The following BCAS3 variants were observed in gnomAD, a reference collection of about 807,000 sequenced individuals.
BCAS3 encodes BCAS3 microtubule associated cell migration factor.
BCAS3 carries 53 observed loss-of-function variants against 116.1 expected under a neutral mutation model. The observed-to-expected ratio is 0.46, with a 90% CI of 0.37 to 0.57. The LOEUF (loss-of-function observed/expected upper bound fraction) is 0.57, where lower values mean the gene tolerates loss of function less well. Ranked by LOEUF, BCAS3 falls within the 20% of genes least tolerant of loss-of-function variation. The pLI, the probability that BCAS3 is intolerant of heterozygous loss-of-function variation, is 0.00. For synonymous variants in BCAS3, 391 were observed against 408.2 expected (o/e 0.96, Z 0.51); for missense variants, 917 against 1,165.4 (o/e 0.79, Z 3.10).
At chr17:60,906,501 A>T (rs1391307622) in intron 11 of BCAS3, among the ~76,000 whole-genome samples, 1 of 152,138 alleles carries the variant, frequency 6.6e-6, no homozygotes, top group Non-Finnish European at 1.5e-5. Context: ...ACTCTCATAG[A>T]TGATTTTCTA....
chr17:61,005,692 T>C, intron 15 of BCAS3, among the ~76,000 whole-genome samples: 1 of 150,728 alleles, frequency 6.6e-6, no homozygotes, highest in East Asian at 1.9e-4. Context: ...GAGAAGAGAG[T>C]CTTTGCTCTT....
At chr17:60,891,472 C>T (rs2057144586) in intron 10 of BCAS3, among the ~76,000 whole-genome samples, 1 of 152,218 alleles carries the variant, frequency 6.6e-6, no homozygotes, top group Non-Finnish European at 1.5e-5. Context: ...GTGCTTTCAT[C>T]TCAAAATATT....
At chr17:60,698,205 AG>A (rs1289914888) in intron 4 of BCAS3, among the ~76,000 whole-genome samples, 17 of 150,998 alleles carry the variant, frequency 1.1e-4, no homozygotes, top group Non-Finnish European at 1.9e-4. Context: ...AAAAAAAAAA[AG>A]AGCAGCAGTG....
intron 4 of BCAS3, among the ~76,000 whole-genome samples, chr17:60,708,818 G>A (rs2037503068): frequency 6.6e-6 from 1 of 152,010 alleles, no homozygotes; most frequent in Non-Finnish European, 1.5e-5. Context: ...GTGAGCCACC[G>A]GGCCCAGCCT....
At chr17:61,108,798 T>C (rs2074852238) in intron 22 of BCAS3, among the ~76,000 whole-genome samples, 1 of 152,138 alleles carries the variant, frequency 6.6e-6, no homozygotes, top group Non-Finnish European at 1.5e-5. Flanking sequence ...GTCAAATGTA[T>C]CATTCTTATG....
chr17:61,280,509 A>G (rs2144664673), intron 22 of BCAS3, among the ~76,000 whole-genome samples: 1 of 152,336 alleles, frequency 6.6e-6, no homozygotes, highest in South Asian at 2.1e-4. Context: ...GGTTTGAGTC[A>G]CAACTTTGCC....
intron 22 of BCAS3, among the ~76,000 whole-genome samples, chr17:61,207,245 C>T (rs547556288): frequency 6.6e-6 from 1 of 152,226 alleles, no homozygotes; most frequent in East Asian, 1.9e-4. Context: ...CCTATGGGTA[C>T]AAGTGATTGA....
In BCAS3 at chr17:61,376,157, G is replaced by A. The variant is rs2059329190; in HGVS notation, c.2593+7663G>A. Among the ~76,000 whole-genome samples, 1 of 152,162 alleles carries A rather than the reference G, an allele frequency of 6.6e-6. No individual in the cohort carries two copies. The highest frequency in any genetic ancestry group is 2.4e-5 in the African/African-American group (1 of 41,442). On this transcript the variant is annotated intron_variant, in intron 23 of 23. Coordinates refer to ENST00000407086, the MANE Select transcript of BCAS3 (RefSeq NM_017679.5). The surrounding 1 kb of genome is among the most constrained non-coding windows in gnomAD (Gnocchi z 4.5). The stretch of plus-strand genomic sequence containing the variant: ...ACTGACAGTGTTGCCCCAGAAAGCT[G>A]GAGAAGTGACATTTACATGTGTTAT...
intron 18 of BCAS3, 47 bp from the exon 19 acceptor site, chr17:61,040,745 C>A (rs778486078): frequency 1.4e-6 from 2 of 1,449,126 alleles, no homozygotes; most frequent in South Asian, 1.1e-5. Context: ...TGATTTACAT[C>A]CCATCTATTA....
chr17:60,797,226 C>T (rs2047291690), intron 6 of BCAS3, among the ~76,000 whole-genome samples: 2 of 152,064 alleles, frequency 1.3e-5, no homozygotes, highest in African/African-American at 4.8e-5. Flanking sequence ...CTGCATAATC[C>T]GTTTCAATAT....
At chr17:60,715,375 G>T (rs1441574100) in intron 5 of BCAS3, among the ~76,000 whole-genome samples, 1 of 151,838 alleles carries the variant, frequency 6.6e-6, no homozygotes, top group African/African-American at 2.4e-5. Flanking sequence ...GACTTCAAGT[G>T]ATCTGCCTGC....
rs1227710874 is a variant in BCAS3, at chr17:61,111,294, C to T, written c.2425+26730C>T. Among the ~76,000 whole-genome samples the T allele has an allele frequency of 5.9e-5, 9 of 151,892 alleles. No homozygotes were observed. The South Asian group carries it at 8.3e-4, about 14-fold the overall frequency. ...CAGACGATCGAATTACTCTGAGCTA[C>T]GGGAGGACATTCAAACCACAGGCAA... On this transcript the variant is annotated intron_variant, in intron 22 of 23. Coordinates refer to ENST00000407086, the MANE Select transcript of BCAS3 (RefSeq NM_017679.5).
At chr17:60,889,822 G>A (rs752862761) in intron 10 of BCAS3, 51 bp downstream of exon 10, 22 of 1,498,112 alleles carry the variant, frequency 1.5e-5, no homozygotes, top group Non-Finnish European at 1.8e-5. Flanking sequence ...AGTGTTGAAG[G>A]ATTTTCCATA....
chr17:60,747,094 T>C, intron 5 of BCAS3, 104 bp from the exon 6 acceptor site: 2 of 742,898 alleles, frequency 2.7e-6, no homozygotes, highest in South Asian at 1.9e-5. Flanking sequence ...GTATATATAT[T>C]TCAGACAAAA....
At chr17:61,137,014 T>A (rs1024796813) in intron 22 of BCAS3, among the ~76,000 whole-genome samples, 7 of 152,174 alleles carry the variant, frequency 4.6e-5, no homozygotes, top group African/African-American at 1.4e-4. Context: ...AAAACTTTTT[T>A]AAAAAAAGTA....
intron 6 of BCAS3, chr17:60,749,114 A>G (rs907711156): frequency 6.6e-6 from 1 of 152,170 alleles, no homozygotes; most frequent in Non-Finnish European, 1.5e-5. Flanking sequence ...GGAAAAGAGT[A>G]ATACCCACTT....
In BCAS3 at chr17:61,041,844, C is replaced by T. The variant is rs966873627; in HGVS notation, c.2029+952C>T. On this transcript the variant is annotated intron_variant, in intron 19 of 23. Coordinates refer to ENST00000407086, the MANE Select transcript of BCAS3 (RefSeq NM_017679.5). This position sits in a 1 kb window ranked among gnomAD's most constrained non-coding sequence, Gnocchi z 4.7. ...CTCTCTCATATTATTGTTGAACTCT[C>T]TGCTTTTTCTAGGGCATTTTTATTG... is the stretch of plus-strand genomic sequence containing the variant. Among the ~76,000 whole-genome samples, 3 of 152,130 alleles carry T rather than the reference C, an allele frequency of 2.0e-5. No homozygotes were observed. The East Asian group carries it at 5.8e-4, about 29-fold the overall frequency.
At position 60,995,912 on chromosome 17, in the gene BCAS3, A is replaced by G. The variant is rs528759883; in HGVS notation, c.1486+5677A>G. Among the ~76,000 whole-genome samples, 59 of 152,262 alleles carry G rather than the reference A, an allele frequency of 3.9e-4. No homozygotes were observed. Among genetic ancestry groups the G allele is most frequent in the Admixed American group, 7.2e-4 (11 of 15,292 alleles). The stretch of plus-strand genomic sequence containing the variant: ...GGGAGGATTGCAATTTGAAATTAGT[A>G]TGCTTCCCATAGGCCTTGCTGAGAT... On this transcript the variant is annotated intron_variant, in intron 15 of 23. Coordinates refer to ENST00000407086, the MANE Select transcript of BCAS3 (RefSeq NM_017679.5). The surrounding 1 kb of genome is among the most constrained non-coding windows in gnomAD (Gnocchi z 4.7).
intron 7 of BCAS3, among the ~76,000 whole-genome samples, chr17:60,858,780 A>G (rs1334140963): frequency 1.3e-5 from 2 of 152,114 alleles, no homozygotes; most frequent in Admixed American, 1.3e-4. Flanking sequence ...AATTTTAGTC[A>G]TTCTATTGGG....
Sources: allele counts gnomAD v4.1 joint callset (sites outside exome capture counted in the v4.1 genomes callset), GRCh38; gene constraint gnomAD v4.1.1; non-coding constraint Gnocchi (gnomAD v3.1); transcripts MANE v1.5; gene names NCBI Gene and HGNC (gene_info 2026-07-23, HGNC 2026-07-21).